The following SFXN5 variants were observed in gnomAD, a reference collection of about 807,000 sequenced individuals.
The protein encoded by SFXN5 is sideroflexin 5.
In SFXN5, 43 loss-of-function variants were observed where a neutral mutation model predicts 50.2. The ratio of observed to expected loss-of-function variants is 0.86; its 90% CI spans 0.67 to 1.11. SFXN5 has a LOEUF of 1.11. Ranked by LOEUF, SFXN5 falls within the 50% of genes least tolerant of loss-of-function variation. SFXN5 has a pLI of 0.00. For synonymous variants in SFXN5, 203 were observed against 185.8 expected, an observed-to-expected ratio of 1.09 and a Z score of -0.75; for missense variants, 463 against 454.1, an observed-to-expected ratio of 1.02 and a Z score of -0.18.
At chr2:73,050,274 T>C (rs1029306250) in intron 2 of SFXN5, among the ~76,000 whole-genome samples, 10 of 152,140 alleles carry the variant, frequency 6.6e-5, no homozygotes, top group Admixed American at 5.2e-4. Context: ...CCACTAAGCA[T>C]TCCCCTGGTG....
Position 73,071,668 on chromosome 2 carries a change from G to T in SFXN5, c.38C>A (p.Ala13Asp). Reference protein sequence around the residue: ...DTATTASAAAASAASASSDAP... With the variant: ...DTATTASAAADSAASASSDAP... The stretch of plus-strand genomic sequence containing the variant: ...ATCGCTCGAGGCGCTAGCGGCACTA[G>T]CCGCCGCCGCCGATGCTGTAGTCGC... Residue 13 changes from alanine (A) to aspartate (D), a missense_variant, in exon 1 of 14, where the codon GCT (alanine) becomes GAT (aspartate). Transcript: ENST00000272433. 1 of 1,603,372 alleles carries T rather than the reference G, an allele frequency of 6.2e-7. No individual in the cohort carries two copies. Among genetic ancestry groups the T allele is most frequent in the Non-Finnish European group, 8.5e-7 (1 of 1,175,244 alleles).
chr2:73,001,678 T>C, intron 6 of SFXN5, 100 bp from the exon 7 acceptor site: 2 of 1,162,822 alleles, frequency 1.7e-6, no homozygotes, highest in Non-Finnish European at 2.5e-6. Flanking sequence ...GCTGGATCTG[T>C]ACAAACTGAT....
At chr2:73,053,901 T>C (rs1444090947) in intron 2 of SFXN5, among the ~76,000 whole-genome samples, 3 of 152,096 alleles carry the variant, frequency 2.0e-5, no homozygotes, top group African/African-American at 7.2e-5. Context: ...CCAAGGGCCC[T>C]GGGAGGAAAA....
chr2:73,065,907 GT>G (rs1402717651), intron 1 of SFXN5, among the ~76,000 whole-genome samples: 1 of 152,230 alleles, frequency 6.6e-6, no homozygotes, highest in Non-Finnish European at 1.5e-5. Context: ...GAGAAAGTAT[GT>G]GTGTTTGTTT....
At chr2:73,024,268 C>T (rs1677274452) in intron 3 of SFXN5, among the ~76,000 whole-genome samples, 1 of 152,124 alleles carries the variant, frequency 6.6e-6, no homozygotes, top group Non-Finnish European at 1.5e-5. Flanking sequence ...GTGATCTGCC[C>T]ACCTCGGCCT....
rs115233590 is a variant in SFXN5 at position 72,967,032 on chromosome 2, G to A, written c.827+1416C>T. On this transcript the variant is annotated intron_variant, in intron 12 of 13. Coordinates refer to ENST00000272433, the MANE Select transcript of SFXN5 (RefSeq NM_144579.3). ...AGAGGCAGCCAGTGTAGCTTGAAGA[G>A]ACTAAGCTTTGCAGCCGCACTCCTG... Among the ~76,000 whole-genome samples the A allele has an allele frequency of 4.6e-3, 708 of 152,330 alleles. 6 individuals are homozygous for A. The highest frequency in any genetic ancestry group is 0.016 in the African/African-American group (668 of 41,564).
intron 1 of SFXN5, 29 bp downstream of exon 1, chr2:73,071,575 C>T (rs906843190): frequency 1.1e-5 from 17 of 1,602,334 alleles, no homozygotes; most frequent in Non-Finnish European, 1.4e-5. Flanking sequence ...TGCCACCCGC[C>T]GGCCCGCAGA....
intron 1 of SFXN5, among the ~76,000 whole-genome samples, chr2:73,065,733 T>C (rs1683125513): frequency 6.6e-6 from 1 of 151,034 alleles, no homozygotes; most frequent in Admixed American, 6.6e-5. Flanking sequence ...TTTTGTATTT[T>C]TTAGTAGAGA....
rs1673671549 is a variant in SFXN5, at chr2:72,961,092, C to CCCTG, written c.945+38_945+39insCAGG. On this transcript the variant is annotated intron_variant, in intron 13 of 13. Transcript: ENST00000272433. This position sits in a 1 kb window ranked among gnomAD's most constrained non-coding sequence, Gnocchi z 4.4. The stretch of plus-strand genomic sequence containing the variant: ...TTGTTCAGAAATCACCAAACAGCAC[C>CCCTG]CCCTGCCCTGCCCTGCCCTTGAGCC... The CCCTG allele has an allele frequency of 7.3e-7, 1 of 1,375,986 alleles. No individual in the cohort carries two copies. Among genetic ancestry groups the CCCTG allele is most frequent in the East Asian group, 2.7e-5 (1 of 37,204 alleles). The allele number at this position is 1,375,986 out of a possible 1,614,324, so 85.2% of individuals were successfully genotyped here.
rs977521648 is a variant in SFXN5 at position 72,944,878 on chromosome 2, C to G, written c.*144G>C. On this transcript the variant is annotated 3_prime_UTR_variant, in exon 14 of 14. Transcript: ENST00000272433. ...AAAATGTGAATGGGTCAGTCTCCCT[C>G]CACTGTAGGTTGAGCACTCTCCCAG... The G allele has an allele frequency of 1.2e-5, 8 of 651,884 alleles. No homozygotes were observed. Among genetic ancestry groups the G allele is most frequent in the Admixed American group, 5.8e-5 (2 of 34,368 alleles). The allele number at this position is 651,884 out of a possible 1,614,324, so 40.4% of individuals were successfully genotyped here.
chr2:73,005,378 C>T (rs530711824), intron 6 of SFXN5, among the ~76,000 whole-genome samples: 4 of 152,336 alleles, frequency 2.6e-5, no homozygotes, highest in African/African-American at 9.6e-5. Flanking sequence ...GATTAACGCT[C>T]AGGCTCTGGT....
intron 5 of SFXN5, among the ~76,000 whole-genome samples, 200 bp downstream of exon 5, chr2:73,022,322 C>G (rs1316551416): frequency 6.6e-6 from 1 of 152,134 alleles, no homozygotes; most frequent in African/African-American, 2.4e-5. Flanking sequence ...GCAGAAAAGG[C>G]AGGTAAGCTC....
chr2:73,036,138 C>T (rs949481613), intron 3 of SFXN5, among the ~76,000 whole-genome samples: 13 of 152,320 alleles, frequency 8.5e-5, no homozygotes, highest in East Asian at 5.8e-4. Context: ...AAGAACCACC[C>T]GGGCCGCTTC....
chr2:73,040,927 C>T lies in SFXN5; in HGVS notation c.176G>A (p.Arg59His), dbSNP rs746900047. 5.6e-6 allele frequency: 9 copies of T among 1,612,242 alleles called. No individual in the cohort carries two copies. In the Admixed American group the frequency reaches 1.0e-4, roughly 18 times the overall value. ...CAGCAGCTGCACAGCCTCTCTGAGA[C>T]GTCTCTGCAGAAGAAAGAAAAGAGA... ...DPRTLFVTERRLREAVQLLED... is the reference protein window; with the variant it reads ...DPRTLFVTERHLREAVQLLED... The change falls in exon 3 of 14, where the codon CGT (arginine) becomes CAT (histidine). Residue 59 changes from arginine (R) to histidine (H), a missense_variant. By Grantham distance (29) the Arg-to-His change is conservative (BLOSUM62 0). Transcript: ENST00000272433.
intron 6 of SFXN5, among the ~76,000 whole-genome samples, chr2:73,004,323 A>C (rs1007281629): frequency 6.8e-6 from 1 of 147,864 alleles, no homozygotes; most frequent in Non-Finnish European, 1.5e-5. Context: ...GCGCACACAC[A>C]CACACACACA....
chr2:72,961,126 C>A lies in SFXN5; in HGVS notation c.945+5G>T. On this transcript the variant is annotated splice_donor_5th_base_variant and intron_variant, in intron 13 of 13. Transcript: ENST00000272433. The surrounding 1 kb of genome is among the most constrained non-coding windows in gnomAD (Gnocchi z 4.4). ...TGCCCTGCCCTTGAGCCCCTCCCCA[C>A]TGACCTCTGACATTTGCGGGAAGAG... The A allele has an allele frequency of 6.3e-7, 1 of 1,577,688 alleles. No individual in the cohort carries two copies. Among genetic ancestry groups the A allele is most frequent in the Non-Finnish European group, 8.6e-7 (1 of 1,163,036 alleles).
At position 73,050,388 on chromosome 2, in the gene SFXN5, G is replaced by GCGCGCGCGCGCACACACACACACA; in HGVS notation, c.171+8139_171+8140insTGTGTGTGTGTGTGCGCGCGCGCG. ...GTGGAGGTAGCGCCGCAGCCACAGC[G>GCGCGCGCGCGCACACACACACACA]CACGCACACACACACACACACACAC... On this transcript the variant is annotated intron_variant, in intron 2 of 13. Transcript: ENST00000272433. Among the ~76,000 whole-genome samples, 11 of 143,912 alleles carry GCGCGCGCGCGCACACACACACACA rather than the reference G, an allele frequency of 7.6e-5. No individual in the cohort carries two copies. The South Asian group carries it at 1.5e-3, about 20-fold the overall frequency. 94.4% of individuals were successfully genotyped at this position (143,912 alleles called of 152,430 possible).
In SFXN5 at chr2:73,028,619, TTC is replaced by T. The variant is rs553603020; in HGVS notation, c.250-5407_250-5406del. On this transcript the variant is annotated intron_variant, in intron 3 of 13. Coordinates refer to ENST00000272433, the MANE Select transcript of SFXN5 (RefSeq NM_144579.3). ...ACTCAGAAAGGAAGGAAAAGCTTCTTTCTGTTTTTTGAACAAGGGTCTTGCAT... is the reference window on the plus strand; with the variant it reads ...ACTCAGAAAGGAAGGAAAAGCTTCTTTGTTTTTTGAACAAGGGTCTTGCAT... Among the ~76,000 whole-genome samples the T allele has an allele frequency of 1.3e-3, 204 of 152,344 alleles. 1 individual carries two copies. The highest frequency in any genetic ancestry group is 4.8e-3 in the African/African-American group (198 of 41,574).
In SFXN5 at chr2:72,961,063, G is replaced by C. The variant is rs922406705; in HGVS notation, c.945+68C>G. 1.9e-5 allele frequency: 22 copies of C among 1,149,038 alleles called. No individual in the cohort carries two copies. The highest frequency in any genetic ancestry group is 1.4e-4 in the Admixed American group (5 of 36,236). The allele number at this position is 1,149,038 out of a possible 1,614,324, so 71.2% of individuals were successfully genotyped here. On this transcript the variant is annotated intron_variant, in intron 13 of 13. Coordinates refer to ENST00000272433, the MANE Select transcript of SFXN5 (RefSeq NM_144579.3). The surrounding 1 kb of genome is among the most constrained non-coding windows in gnomAD (Gnocchi z 4.4). ...GCGCTAAGGAGTCGGCACGGTATGAGTATTTGTTCAGAAATCACCAAACAG... is the reference window on the plus strand; with the variant it reads ...GCGCTAAGGAGTCGGCACGGTATGACTATTTGTTCAGAAATCACCAAACAG...
Sources: allele counts gnomAD v4.1 joint callset (sites outside exome capture counted in the v4.1 genomes callset), GRCh38; gene constraint gnomAD v4.1.1; non-coding constraint Gnocchi (gnomAD v3.1); transcripts MANE v1.5; gene names NCBI Gene and HGNC (gene_info 2026-07-23, HGNC 2026-07-21).